ADH4: variants seen among roughly 807,000 people sequenced by gnomAD.
ADH4 encodes alcohol dehydrogenase 4 (class II), pi polypeptide, also known as all-trans-retinol dehydrogenase [NAD(+)] ADH4.
ADH4 carries 31 observed loss-of-function variants against 35.2 expected under a neutral mutation model. The ratio of observed to expected loss-of-function variants is 0.88; its 90% CI spans 0.66 to 1.19. The LOEUF is 1.19. Among genes scored for constraint, ADH4 ranks in the 50% most tolerant of loss-of-function variants. The pLI is 0.00. For synonymous variants in ADH4, 171 were observed against 160.2 expected (o/e 1.07, Z -0.51); for missense variants, 476 against 458.3 (o/e 1.04, Z -0.35).
In ADH4 at chr4:99,136,707, T is replaced by TAA; in HGVS notation, c.351-12_351-11dup. 45 of 1,511,766 alleles carry TAA rather than the reference T, an allele frequency of 3.0e-5. No homozygotes were observed. The highest frequency in any genetic ancestry group is 3.7e-5 in the Non-Finnish European group (40 of 1,095,326). The allele number at this position is 1,511,766 out of a possible 1,614,324, so 93.6% of individuals were successfully genotyped here. A position where few individuals can be genotyped will look rare whatever the true frequency, so the allele number is the denominator to read the frequency against. ...AGGACTTTTGAGATTACTAGAAAAT[T>TAA]AAAAAAAAGAGTGATACAAATAAAG... is the stretch of plus-strand genomic sequence containing the variant. On this transcript the variant is annotated splice_polypyrimidine_tract_variant and intron_variant, in intron 4 of 8. Coordinates refer to ENST00000265512, the MANE Select transcript of ADH4 (RefSeq NM_000670.5).
chr4:99,132,747 A>C (rs924327846), intron 5 of ADH4, among the ~76,000 whole-genome samples: 2 of 152,172 alleles, frequency 1.3e-5, no homozygotes, highest in African/African-American at 4.8e-5. Context: ...AGAAATACTT[A>C]ATATTTCCTA....
At chr4:99,132,978 T>C (rs2110496610) in intron 5 of ADH4, among the ~76,000 whole-genome samples, 1 of 152,270 alleles carries the variant, frequency 6.6e-6, no homozygotes, top group Admixed American at 6.5e-5. Flanking sequence ...ATAGTAAGAA[T>C]ATTGTTCTTA....
chr4:99,139,543 T>C (rs1011029577), intron 3 of ADH4, among the ~76,000 whole-genome samples: 1 of 152,176 alleles, frequency 6.6e-6, no homozygotes, highest in Non-Finnish European at 1.5e-5. Context: ...ATATCATTGC[T>C]ATGTTTCACC....
chr4:99,139,464 A>G (rs774833577), intron 3 of ADH4, among the ~76,000 whole-genome samples: 4 of 152,324 alleles, frequency 2.6e-5, no homozygotes, highest in Non-Finnish European at 5.9e-5. Flanking sequence ...ATTTCCAAAC[A>G]CCATGTACGA....
intron 1 of ADH4, chr4:99,143,499 A>G (rs1729704192): frequency 3.5e-6 from 1 of 282,900 alleles, no homozygotes; most frequent in East Asian, 6.6e-5. Flanking sequence ...CTCAAATTAT[A>G]TTTTTAATTT....
In ADH4 at chr4:99,129,601, C is replaced by T. The variant is rs943118924; in HGVS notation, c.843+1903G>A. Among the ~76,000 whole-genome samples, 3 of 152,150 alleles carry T rather than the reference C, an allele frequency of 2.0e-5. No homozygotes were observed. In the South Asian group the frequency reaches 6.2e-4, roughly 32 times the overall value. Reference sequence around the variant, plus strand: ...TTCTCAAAATCATATGTCAGTTCACCTTTTGCTATGTCTCCCTGCTTTCAG... The same window carrying T: ...TTCTCAAAATCATATGTCAGTTCACTTTTTGCTATGTCTCCCTGCTTTCAG... On this transcript the variant is annotated intron_variant, in intron 6 of 8. Coordinates refer to ENST00000265512, the MANE Select transcript of ADH4 (RefSeq NM_000670.5).
At chr4:99,126,963 T>C (rs1366077627) in intron 7 of ADH4, among the ~76,000 whole-genome samples, 1 of 152,090 alleles carries the variant, frequency 6.6e-6, no homozygotes, top group African/African-American at 2.4e-5. Context: ...ATAAGGTCAA[T>C]GTTTATTTTT....
intron 8 of ADH4, among the ~76,000 whole-genome samples, chr4:99,125,835 C>G (rs1729069204): frequency 6.6e-6 from 1 of 152,146 alleles, no homozygotes; most frequent in African/African-American, 2.4e-5. Context: ...TTTAATTTTA[C>G]TTTAGACTTT....
At chr4:99,136,379 G>T in intron 5 of ADH4, 87 bp downstream of exon 5, 1 of 1,112,410 alleles carries the variant, frequency 9.0e-7, no homozygotes, top group Non-Finnish European at 1.3e-6. Context: ...CACAGCCACA[G>T]TTTGAAGATA....
At chr4:99,140,632 C>T (rs550376617) in intron 3 of ADH4, among the ~76,000 whole-genome samples, 28 of 151,938 alleles carry the variant, frequency 1.8e-4, no homozygotes, top group African/African-American at 5.1e-4. Flanking sequence ...CTTTGGGAGG[C>T]CGAGGTGGGT....
chr4:99,125,731 C>T (rs1425437148), intron 8 of ADH4, among the ~76,000 whole-genome samples: 1 of 152,216 alleles, frequency 6.6e-6, no homozygotes, highest in Admixed American at 6.5e-5. Context: ...GATATTTCCT[C>T]AGGTTTCTTC....
At position 99,131,643 on chromosome 4, in the gene ADH4, A is replaced by G; in HGVS notation, c.704T>C (p.Phe235Ser). 1 of 1,614,086 alleles carries G rather than the reference A, an allele frequency of 6.2e-7. No individual in the cohort carries two copies. The highest frequency in any genetic ancestry group is 8.5e-7 in the Non-Finnish European group (1 of 1,180,000). ...GGCTCCCAGGGCTTTAGCCTTCACA[A>G]ACTTCTCACTGTTGATGTCAATACC... ...IIGIDINSEK[F>S]VKAKALGATD... The change falls in exon 6 of 9, where the codon TTT becomes TCT. Residue 235 changes from phenylalanine (F) to serine (S), a missense_variant. Transcript: ENST00000265512.
chr4:99,141,442 T>A, intron 3 of ADH4, 99 bp downstream of exon 3: 2 of 1,218,618 alleles, frequency 1.6e-6, no homozygotes, highest in Non-Finnish European at 2.2e-6. Context: ...TCCCCTTTTG[T>A]AAATAGAGAT....
intron 6 of ADH4, among the ~76,000 whole-genome samples, chr4:99,129,035 A>G (rs1729187654): frequency 6.6e-6 from 1 of 152,122 alleles, no homozygotes; most frequent in African/African-American, 2.4e-5. Flanking sequence ...CCTGGGCTCA[A>G]GCAGTCTGCC....
Position 99,140,684 on chromosome 4 carries a change from A to T in ADH4, c.262+857T>A, listed in dbSNP as rs184909604. Among the ~76,000 whole-genome samples the T allele has an allele frequency of 1.2e-4, 18 of 152,010 alleles. 1 individual carries two copies. Among genetic ancestry groups the T allele is most frequent in the Admixed American group, 1.2e-3 (18 of 15,270 alleles). Reference sequence around the variant, plus strand: ...GTAGTTCGAGACCAGCCTAGCCAACATGGTGAAAACCCGTCTCTACTGAAA... The same window carrying T: ...GTAGTTCGAGACCAGCCTAGCCAACTTGGTGAAAACCCGTCTCTACTGAAA... On this transcript the variant is annotated intron_variant, in intron 3 of 8. Transcript: ENST00000265512.
chr4:99,138,976 C>T, intron 4 of ADH4, 85 bp downstream of exon 4: 1 of 1,003,342 alleles, frequency 1.0e-6, no homozygotes, highest in South Asian at 1.6e-5. Context: ...GTTTGCACCT[C>T]TTCAAGGCCA....
At position 99,131,868 on chromosome 4, in the gene ADH4, C is replaced by CAGCCTGCTATT. The variant is rs1426664932; in HGVS notation, c.583-115_583-105dup. 3.9e-6 allele frequency: 5 copies of CAGCCTGCTATT among 1,277,182 alleles called. No homozygotes were observed. The African/African-American group carries it at 7.5e-5, about 19-fold the overall frequency. 79.1% of individuals were successfully genotyped at this position (1,277,182 alleles called of 1,614,324 possible). A position where few individuals can be genotyped will look rare whatever the true frequency, so the allele number is the denominator to read the frequency against. On this transcript the variant is annotated intron_variant, in intron 5 of 8. Coordinates refer to ENST00000265512, the MANE Select transcript of ADH4 (RefSeq NM_000670.5). ...GGGGCATGAACATATGAATTAAAGA[C>CAGCCTGCTATT]AGCCTGCTATTAAACTCTATGATAT...
chr4:99,139,495 T>C (rs1463742568), intron 3 of ADH4, among the ~76,000 whole-genome samples: 3 of 152,180 alleles, frequency 2.0e-5, no homozygotes, highest in African/African-American at 7.2e-5. Context: ...CCTTAGATAA[T>C]AGGAGAGGTA....
chr4:99,131,057 G>A (rs1473485189), intron 6 of ADH4, among the ~76,000 whole-genome samples: 3 of 151,920 alleles, frequency 2.0e-5, no homozygotes, highest in Non-Finnish European at 4.4e-5. Flanking sequence ...TAATGCACTT[G>A]TCATTTTATT....
Sources: allele counts gnomAD v4.1 joint callset (sites outside exome capture counted in the v4.1 genomes callset), GRCh38; gene constraint gnomAD v4.1.1; transcripts MANE v1.5; gene names NCBI Gene and HGNC (gene_info 2026-07-23, HGNC 2026-07-21).